CNTN6: variants seen among roughly 807,000 people sequenced by gnomAD.
CNTN6 encodes the protein contactin 6.
Under a neutral mutation model 122.8 loss-of-function variants are expected in CNTN6, and 137 were observed. The ratio of observed to expected loss-of-function variants is 1.12; its 90% CI spans 0.97 to 1.29. The LOEUF (loss-of-function observed/expected upper bound fraction) is 1.29, where lower values mean the gene tolerates loss of function less well. Ranked by LOEUF, CNTN6 falls within the 50% of genes most tolerant of loss-of-function variation. The pLI, the probability that CNTN6 is intolerant of heterozygous loss-of-function variation, is 0.00. For missense variants in CNTN6, 1,634 were observed against 1,223.4 expected, an observed-to-expected ratio of 1.34 and a Z score of -5.01; for synonymous variants, 570 against 426.0, an observed-to-expected ratio of 1.34 and a Z score of -4.16.
At chr3:1,223,096 C>G (rs1342227883) in intron 3 of CNTN6, among the ~76,000 whole-genome samples, 1 of 152,116 alleles carries the variant, frequency 6.6e-6, no homozygotes, top group Non-Finnish European at 1.5e-5. Flanking sequence ...TAAAAAGCCT[C>G]ACAACTATAT....
chr3:1,098,865 C>T (rs2090699475), intron 1 of CNTN6, among the ~76,000 whole-genome samples: 1 of 133,108 alleles, frequency 7.5e-6, no homozygotes, highest in Non-Finnish European at 1.6e-5. Context: ...TAATAATGAC[C>T]AATTCCCACC....
intron 1 of CNTN6, among the ~76,000 whole-genome samples, chr3:1,138,454 C>T (rs906110751): frequency 1.1e-4 from 17 of 151,916 alleles, no homozygotes; most frequent in Non-Finnish European, 2.4e-4. Flanking sequence ...AAATACATTA[C>T]TTAGTATATA....
At chr3:1,269,799 A>T (rs561055633) in intron 4 of CNTN6, among the ~76,000 whole-genome samples, 29 of 145,978 alleles carry the variant, frequency 2.0e-4, no homozygotes, top group African/African-American at 4.3e-4. Context: ...ATTTTTTCAT[A>T]AAAAAAAATG....
chr3:1,312,055 T>C (rs1699407715), intron 7 of CNTN6, among the ~76,000 whole-genome samples: 1 of 151,988 alleles, frequency 6.6e-6, no homozygotes, highest in African/African-American at 2.4e-5. Context: ...TATTGGTAAA[T>C]GGAACACTAT....
At chr3:1,380,883 A>C (rs766772540) in intron 17 of CNTN6, among the ~76,000 whole-genome samples, 7 of 152,088 alleles carry the variant, frequency 4.6e-5, no homozygotes, top group Non-Finnish European at 1.0e-4. Flanking sequence ...CATAGATTTT[A>C]CTCCCAGGAG....
chr3:1,293,051 T>A (rs2125853746), intron 5 of CNTN6, among the ~76,000 whole-genome samples: 1 of 152,292 alleles, frequency 6.6e-6, no homozygotes, highest in South Asian at 2.1e-4. Context: ...GCATTTACTG[T>A]GCTCCTGCTG....
intron 1 of CNTN6, among the ~76,000 whole-genome samples, chr3:1,102,817 T>G (rs1333635353): frequency 6.9e-6 from 1 of 145,950 alleles, no homozygotes. Flanking sequence ...TATACAAAAT[T>G]AATGTCCAGG....
chr3:1,386,486 T>C (rs1316407454), intron 20 of CNTN6, among the ~76,000 whole-genome samples: 2 of 152,206 alleles, frequency 1.3e-5, no homozygotes, highest in Non-Finnish European at 2.9e-5. Context: ...TTTCATCTTT[T>C]GGTGATTGTT....
chr3:1,239,489 G>A lies in CNTN6; in HGVS notation c.358+11496G>A, dbSNP rs543907842. 7.2e-5 allele frequency among the ~76,000 whole-genome samples: 11 copies of A among 152,194 alleles called. No individual in the cohort carries two copies. The East Asian group carries it at 1.9e-3, about 27-fold the overall frequency. ...CAAGGATGTGAAAGACCTCTACAAG[G>A]AAAACTATGAAACACTGCTGAAAGA... On this transcript the variant is annotated intron_variant, in intron 4 of 22. Coordinates refer to ENST00000446702, the MANE Select transcript of CNTN6 (RefSeq NM_001289080.2).
At chr3:1,129,555 A>G (rs1231687080) in intron 1 of CNTN6, among the ~76,000 whole-genome samples, 3 of 152,082 alleles carry the variant, frequency 2.0e-5, no homozygotes, top group Admixed American at 6.6e-5. Flanking sequence ...TTTTCGTAAA[A>G]TGTGAATAAT....
intron 1 of CNTN6, among the ~76,000 whole-genome samples, chr3:1,103,746 G>C (rs9826464): frequency 0.096 from 14,543 of 152,050 alleles, 2,351 homozygotes; most frequent in African/African-American, 0.33. Flanking sequence ...TTACTTATGA[G>C]GCAAAAGTCA....
intron 2 of CNTN6, among the ~76,000 whole-genome samples, chr3:1,177,518 G>C (rs935566236): frequency 6.6e-6 from 1 of 152,048 alleles, no homozygotes; most frequent in Non-Finnish European, 1.5e-5. Context: ...ATTCTATCTA[G>C]CATCACCTTT....
chr3:1,101,574 T>C (rs1298963845), intron 1 of CNTN6, among the ~76,000 whole-genome samples: 1 of 152,226 alleles, frequency 6.6e-6, no homozygotes, highest in Non-Finnish European at 1.5e-5. Context: ...GGTACTCTTA[T>C]GGTTTCATGG....
rs577164265 is a variant in CNTN6 at position 1,395,948 on chromosome 3, C to A, written c.2705-5485C>A. Among the ~76,000 whole-genome samples, 9 of 152,296 alleles carry A rather than the reference C, an allele frequency of 5.9e-5. No homozygotes were observed. In the East Asian group the frequency reaches 1.4e-3, roughly 23 times the overall value. ...ATGAGCATGAAATCTCTTCATCCCACTACCACTGTGCTCCTTTATCACCTT... is the reference window on the plus strand; with the variant it reads ...ATGAGCATGAAATCTCTTCATCCCAATACCACTGTGCTCCTTTATCACCTT... On this transcript the variant is annotated intron_variant, in intron 20 of 22. Transcript: ENST00000446702.
At chr3:1,260,791 C>T (rs1030254002) in intron 4 of CNTN6, among the ~76,000 whole-genome samples, 1 of 151,978 alleles carries the variant, frequency 6.6e-6, no homozygotes, top group African/African-American at 2.4e-5. Flanking sequence ...CTACCTGATG[C>T]CGCCGTGTAA....
chr3:1,278,597 T>C, intron 5 of CNTN6, 89 bp downstream of exon 5: 2 of 763,216 alleles, frequency 2.6e-6, no homozygotes, highest in East Asian at 2.5e-5. Context: ...GTGATCACCT[T>C]TTATCAAATC....
intron 4 of CNTN6, among the ~76,000 whole-genome samples, chr3:1,241,442 G>T (rs973222471): frequency 6.6e-6 from 1 of 152,000 alleles, no homozygotes; most frequent in Non-Finnish European, 1.5e-5. Context: ...ATATTGTGCG[G>T]ATGTTAGAAG....
chr3:1,290,594 C>T (rs1305265025), intron 5 of CNTN6, among the ~76,000 whole-genome samples: 3 of 152,104 alleles, frequency 2.0e-5, no homozygotes, highest in Admixed American at 2.0e-4. Context: ...AGGGCGTGCC[C>T]ATAGATTAAA....
intron 2 of CNTN6, among the ~76,000 whole-genome samples, chr3:1,184,248 C>T (rs990006866): frequency 1.3e-5 from 2 of 151,936 alleles, no homozygotes; most frequent in African/African-American, 4.8e-5. Flanking sequence ...GGGGGTCATC[C>T]TAGGATCTTC....
Sources: allele counts gnomAD v4.1 joint callset (sites outside exome capture counted in the v4.1 genomes callset), GRCh38; gene constraint gnomAD v4.1.1; transcripts MANE v1.5; gene names NCBI Gene and HGNC (gene_info 2026-07-23, HGNC 2026-07-21).